Variants in CHD5 observed in about 807,000 individuals in gnomAD.
CHD5 encodes the protein chromodomain helicase DNA binding protein 5.
A neutral mutation model predicts 230.3 loss-of-function variants in CHD5; 69 were observed. That is an observed-to-expected ratio of 0.30 (90% CI 0.25 to 0.37). The LOEUF (loss-of-function observed/expected upper bound fraction) is 0.37, where lower values mean the gene tolerates loss of function less well. Ranked by LOEUF, CHD5 falls within the 10% of genes least tolerant of loss-of-function variation. The pLI is 1.00. For synonymous variants in CHD5, 1,064 were observed against 1,065.9 expected (o/e 1.00, Z 0.03); for missense variants, 1,827 against 2,622.8 (o/e 0.70, Z 6.63).
rs2100824839 is a variant in CHD5 at position 6,105,736 on chromosome 1, A to T, written c.*47-309T>A. The stretch of plus-strand genomic sequence containing the variant: ...GTGGAGGCTGGTGGCCCCAGAGAAG[A>T]CCAGAATGAACTGGCAGTTTCTCTG... On this transcript the variant is annotated intron_variant, in intron 41 of 41. Transcript: ENST00000262450. The surrounding 1 kb of genome is among the most constrained non-coding windows in gnomAD (Gnocchi z 4.8). Among the ~76,000 whole-genome samples the T allele has an allele frequency of 6.6e-6, 1 of 152,262 alleles. No homozygotes were observed. The highest frequency in any genetic ancestry group is 1.5e-5 in the Non-Finnish European group (1 of 68,008).
chr1:6,126,040 T>C lies in CHD5; in HGVS notation c.4079-182A>G, dbSNP rs190617947. ...ATCCCAACACCACCACGTTATACAC[T>C]AAGGGTACCATGTGTACCCACACAT... On this transcript the variant is annotated intron_variant, in intron 26 of 41. Coordinates refer to ENST00000262450, the MANE Select transcript of CHD5 (RefSeq NM_015557.3). This position sits in a 1 kb window ranked among gnomAD's most constrained non-coding sequence, Gnocchi z 5.7. 4.6e-4 allele frequency among the ~76,000 whole-genome samples: 70 copies of C among 152,194 alleles called. No homozygotes were observed. The highest frequency in any genetic ancestry group is 7.4e-4 in the Non-Finnish European group (50 of 68,002).
intron 11 of CHD5, among the ~76,000 whole-genome samples, chr1:6,145,276 T>A (rs546787403): frequency 1.3e-5 from 2 of 152,302 alleles, no homozygotes; most frequent in East Asian, 3.9e-4. Context: ...GGGATTGAAA[T>A]CTGAACATCT....
chr1:6,172,351 T>C (rs929737226), intron 1 of CHD5, among the ~76,000 whole-genome samples: 1 of 151,594 alleles, frequency 6.6e-6, no homozygotes, highest in Non-Finnish European at 1.5e-5. Flanking sequence ...ATTTATTTAT[T>C]TTAGAGACAG....
intron 15 of CHD5, among the ~76,000 whole-genome samples, chr1:6,141,582 T>C (rs1666828492): frequency 6.6e-6 from 1 of 152,066 alleles, no homozygotes; most frequent in Admixed American, 6.5e-5. Flanking sequence ...CCCACTGCAC[T>C]CCAGCCTGGG....
rs375669277 is a variant in CHD5, at chr1:6,155,715, C to A, written c.390G>T (p.Glu130Asp). The A allele has an allele frequency of 1.9e-6, 3 of 1,613,448 alleles. No homozygotes were observed. In the African/African-American group the frequency reaches 4.0e-5, roughly 22 times the overall value. ...EDDNDDGCLKEPKSSGQLMAE... is the reference protein window; with the variant it reads ...EDDNDDGCLKDPKSSGQLMAE... ...CCATGAGCTGCCCCGAGGACTTGGGCTCCTACAGAGACCCAGGCCAGAGGT... is the reference window on the plus strand; with the variant it reads ...CCATGAGCTGCCCCGAGGACTTGGGATCCTACAGAGACCCAGGCCAGAGGT... Residue 130 changes from glutamate to aspartate, a missense_variant and splice_region_variant, in exon 4 of 42, where the codon GAG (glutamate) becomes GAT (aspartate). Around this residue, in one of 14 missense-constraint regions of CHD5, gnomAD observed 657 missense variants for 816.4 expected, o/e 0.80. Coordinates refer to ENST00000262450, the MANE Select transcript of CHD5 (RefSeq NM_015557.3). This position sits in a 1 kb window ranked among gnomAD's most constrained non-coding sequence, Gnocchi z 4.0.
intron 1 of CHD5, among the ~76,000 whole-genome samples, chr1:6,171,847 G>A (rs967603963): frequency 6.6e-6 from 1 of 152,238 alleles, no homozygotes; most frequent in Admixed American, 6.5e-5. Flanking sequence ...TGTCCTGCCA[G>A]CTCCTGGCCC....
chr1:6,152,581 G>T (rs372946053), intron 5 of CHD5, 45 bp from the exon 6 acceptor site: 1 of 1,610,134 alleles, frequency 6.2e-7, no homozygotes, highest in Admixed American at 1.7e-5. Context: ...CACCACTGAC[G>T]GCCTGCTTCC....
Position 6,126,254 on chromosome 1 carries a change from G to A in CHD5, c.4078+318C>T, listed in dbSNP as rs191965636. 5.8e-3 allele frequency among the ~76,000 whole-genome samples: 866 copies of A among 149,604 alleles called. 8 individuals are homozygous for A. Among genetic ancestry groups the A allele is most frequent in the African/African-American group, 0.02 (802 of 40,638 alleles). ...CCAGCGTTCCTGGCCCCCACCTCCC[G>A]GGGGGGTCCTGCACAGGGATGCCCC... On this transcript the variant is annotated intron_variant, in intron 26 of 41. Transcript: ENST00000262450. This position sits in a 1 kb window ranked among gnomAD's most constrained non-coding sequence, Gnocchi z 5.7.
chr1:6,112,155 C>T lies in CHD5; in HGVS notation c.5125G>A (p.Asp1709Asn). ...ACCCCAATACCCGTGAAGCCCCCGT[C>T]CGCGATGTTGAACATGAACTTGAAT... ...GKFKFMFNIADGGFTELHTLW... is the reference protein window; with the variant it reads ...GKFKFMFNIANGGFTELHTLW... Residue 1709 changes from aspartate to asparagine, a missense_variant, in exon 35 of 42, where the codon GAC (aspartate) becomes AAC (asparagine). By Grantham distance (23) the Asp-to-Asn change is conservative (BLOSUM62 1). This residue lies in a region of CHD5 where 272 missense variants were observed against 263.2 expected (regional missense o/e 1.03). Coordinates refer to ENST00000262450, the MANE Select transcript of CHD5 (RefSeq NM_015557.3). 1 of 1,613,976 alleles carries T rather than the reference C, an allele frequency of 6.2e-7. No individual in the cohort carries two copies. Among genetic ancestry groups the T allele is most frequent in the Non-Finnish European group, 8.5e-7 (1 of 1,179,896 alleles).
At chr1:6,165,586 C>A (rs921749673) in intron 2 of CHD5, among the ~76,000 whole-genome samples, 6 of 151,974 alleles carry the variant, frequency 3.9e-5, no homozygotes, top group Non-Finnish European at 8.8e-5. Flanking sequence ...GGAGTGAGGG[C>A]GGGGATGGCA....
intron 30 of CHD5, 140 bp downstream of exon 30, chr1:6,124,367 TTCCAGGTCAG>T: frequency 1.2e-6 from 1 of 849,766 alleles, no homozygotes; most frequent in African/African-American, 1.7e-5. Context: ...CAGAAAGGCT[TTCCAGGTCAG>T]TCCCTCTGGA....
rs779494126 is a variant in CHD5 at position 6,130,109 on chromosome 1, G to T, written c.3387+95C>A. 2 of 1,424,322 alleles carry T rather than the reference G, an allele frequency of 1.4e-6. No individual in the cohort carries two copies. The highest frequency in any genetic ancestry group is 1.9e-6 in the Non-Finnish European group (2 of 1,025,750). 88.2% of individuals were successfully genotyped at this position (1,424,322 alleles called of 1,614,324 possible). ...AGGCCCACAGCACCAGGATAGGTGA[G>T]GGGGTGATGGCAAGAAGGGCATGAA... On this transcript the variant is annotated intron_variant, in intron 22 of 41. Transcript: ENST00000262450. This position sits in a 1 kb window ranked among gnomAD's most constrained non-coding sequence, Gnocchi z 4.9.
At chr1:6,136,136 G>A (rs928060208) in intron 17 of CHD5, among the ~76,000 whole-genome samples, 3 of 152,174 alleles carry the variant, frequency 2.0e-5, no homozygotes, top group Admixed American at 6.5e-5. Flanking sequence ...GGGATGGGGC[G>A]GTGGGCTCCG....
At chr1:6,163,276 C>T (rs1401190520) in intron 2 of CHD5, among the ~76,000 whole-genome samples, 3 of 152,224 alleles carry the variant, frequency 2.0e-5, no homozygotes, top group Non-Finnish European at 4.4e-5. Flanking sequence ...TCTCTCCCTC[C>T]TCCATCCACC....
intron 25 of CHD5, among the ~76,000 whole-genome samples, chr1:6,127,473 G>C (rs1316653195): frequency 6.6e-6 from 1 of 151,450 alleles, no homozygotes; most frequent in Non-Finnish European, 1.5e-5. Context: ...GCGACAGAGC[G>C]AGACTCCATT....
chr1:6,117,405 T>C (rs1487458606), intron 33 of CHD5, among the ~76,000 whole-genome samples: 2 of 152,124 alleles, frequency 1.3e-5, no homozygotes, highest in Non-Finnish European at 1.5e-5. Context: ...ATGAGGAACA[T>C]GCATCTATAT....
Position 6,134,580 on chromosome 1 carries a change from A to G in CHD5, c.3012+138T>C. The stretch of plus-strand genomic sequence containing the variant: ...GCAACCTTCCATGATGGCCAGGGAA[A>G]CCTACCATGACAGCCACAGAAATCG... On this transcript the variant is annotated intron_variant, in intron 19 of 41. Transcript: ENST00000262450. The surrounding 1 kb of genome is among the most constrained non-coding windows in gnomAD (Gnocchi z 6.3). 1 of 983,484 alleles carries G rather than the reference A, an allele frequency of 1.0e-6. No individual in the cohort carries two copies. The highest frequency in any genetic ancestry group is 1.6e-6 in the Non-Finnish European group (1 of 636,170). 60.9% of individuals were successfully genotyped at this position (983,484 alleles called of 1,614,324 possible). A position where few individuals can be genotyped will look rare whatever the true frequency, so the allele number is the denominator to read the frequency against.
intron 11 of CHD5, among the ~76,000 whole-genome samples, chr1:6,144,846 G>A (rs1666885392): frequency 6.6e-6 from 1 of 152,218 alleles, no homozygotes. Context: ...CTGCGGGCCT[G>A]GGAACATTAA....
chr1:6,156,465 G>A (rs529187951), intron 3 of CHD5, among the ~76,000 whole-genome samples: 9 of 150,300 alleles, frequency 6.0e-5, no homozygotes, highest in Non-Finnish European at 1.0e-4. Flanking sequence ...GAACTCGGGA[G>A]ACGGAGGTTG....
Sources: gnomAD v4.1 joint callset for allele counts (sites outside exome capture counted in the v4.1 genomes callset) on GRCh38, gnomAD v4.1.1 for gene constraint, gnomAD v4.1.1 regional missense constraint, Gnocchi (gnomAD v3.1) non-coding constraint, MANE v1.5 for transcripts, NCBI Gene and HGNC (gene_info 2026-07-23, HGNC 2026-07-21) for gene names.